The following LHPP variants were observed in gnomAD, a reference collection of about 807,000 sequenced individuals.
LHPP encodes the protein phospholysine phosphohistidine inorganic pyrophosphate phosphatase.
A neutral mutation model predicts 30.3 loss-of-function variants in LHPP; 24 were observed. The observed-to-expected ratio is 0.79, with a 90% CI of 0.57 to 1.11. The LOEUF is 1.11. Ranked by LOEUF, LHPP falls within the 50% of genes most tolerant of loss-of-function variation. The pLI is 0.00. For missense variants in LHPP, 356 were observed against 367.2 expected, an observed-to-expected ratio of 0.97 and a Z score of 0.25; for synonymous variants, 150 against 157.1, an observed-to-expected ratio of 0.95 and a Z score of 0.34.
chr10:124,546,003 GGA>G (rs1955329778), intron 6 of LHPP: 2 of 152,448 alleles, frequency 1.3e-5, no homozygotes, highest in African/African-American at 4.8e-5. Flanking sequence ...GGGCTCGCTG[GGA>G]TGCTGTCCTC....
At chr10:124,516,532 C>A (rs1222233324) in intron 5 of LHPP, among the ~76,000 whole-genome samples, 1 of 152,278 alleles carries the variant, frequency 6.6e-6, no homozygotes, top group South Asian at 2.1e-4. Flanking sequence ...TTGTTTCCTG[C>A]GTCTCAGAAG....
At chr10:124,613,051 T>C in intron 6 of LHPP, 2 of 587,856 alleles carry the variant, frequency 3.4e-6, no homozygotes. Flanking sequence ...TGGGGAGGTG[T>C]CCAGGTTGAG....
chr10:124,533,551 G>A (rs914263630), intron 6 of LHPP, among the ~76,000 whole-genome samples: 3 of 152,206 alleles, frequency 2.0e-5, no homozygotes, highest in Non-Finnish European at 4.4e-5. Context: ...GCGCTTGATT[G>A]GAAACGTTGA....
At position 124,577,902 on chromosome 10, in the gene LHPP, G is replaced by A. The variant is rs552462564; in HGVS notation, c.717-35362G>A. 5.6e-4 allele frequency among the ~76,000 whole-genome samples: 85 copies of A among 152,164 alleles called. 1 individual carries two copies. In the South Asian group the frequency reaches 7.7e-3, roughly 14 times the overall value. ...GCCCCCAGGCTCTGAGCTACCTGAGGTGAGGTGGGGCCACACTGGTCCCCA... is the reference window on the plus strand; with the variant it reads ...GCCCCCAGGCTCTGAGCTACCTGAGATGAGGTGGGGCCACACTGGTCCCCA... On this transcript the variant is annotated intron_variant, in intron 6 of 6. Coordinates refer to ENST00000368842, the MANE Select transcript of LHPP (RefSeq NM_022126.4).
At chr10:124,474,882 G>T (rs1952893623) in intron 1 of LHPP, among the ~76,000 whole-genome samples, 1 of 152,114 alleles carries the variant, frequency 6.6e-6, no homozygotes, top group Admixed American at 6.5e-5. Flanking sequence ...GGCTCCTCCT[G>T]CTGGCCTCCT....
chr10:124,532,383 T>G (rs1954920738), intron 6 of LHPP, among the ~76,000 whole-genome samples: 1 of 152,212 alleles, frequency 6.6e-6, no homozygotes, highest in African/African-American at 2.4e-5. Context: ...GACACACACA[T>G]GCGTCCATGC....
rs573215110 is a variant in LHPP at position 124,510,194 on chromosome 10, C to T, written c.625-6986C>T. On this transcript the variant is annotated intron_variant, in intron 5 of 6. Coordinates refer to ENST00000368842, the MANE Select transcript of LHPP (RefSeq NM_022126.4). The surrounding 1 kb of genome is among the most constrained non-coding windows in gnomAD (Gnocchi z 4.0). ...GGAGTATTTTTATTTCCCCTGACAG[C>T]GCACCTCCTGACCTCTATCTTCTTG... Among the ~76,000 whole-genome samples, 7 of 152,350 alleles carry T rather than the reference C, an allele frequency of 4.6e-5. No homozygotes were observed. In the East Asian group the frequency reaches 9.6e-4, roughly 21 times the overall value.
intron 5 of LHPP, among the ~76,000 whole-genome samples, chr10:124,509,910 A>C (rs545469714): frequency 6.6e-6 from 1 of 152,122 alleles, no homozygotes; most frequent in Admixed American, 6.5e-5. Context: ...TTGCACTCCA[A>C]AGCATCGCCG....
In LHPP at chr10:124,478,807, G is replaced by A. The variant is rs11245108; in HGVS notation, c.126-5332G>A. ...GCTCAGGCCGGGTGCCATGGCTCAC[G>A]CCTGTAATTCCAGCACTTTGGGAGG... is the stretch of plus-strand genomic sequence containing the variant. On this transcript the variant is annotated intron_variant, in intron 1 of 6. Transcript: ENST00000368842. This position sits in a 1 kb window ranked among gnomAD's most constrained non-coding sequence, Gnocchi z 4.7. Among the ~76,000 whole-genome samples, 62,320 of 152,004 alleles carry A rather than the reference G, an allele frequency of 0.41. 13,030 individuals carry two copies. The highest frequency in any genetic ancestry group is 0.58 in the East Asian group (2,995 of 5,148).
intron 5 of LHPP, among the ~76,000 whole-genome samples, chr10:124,498,955 C>G (rs1190680199): frequency 6.6e-6 from 1 of 150,820 alleles, no homozygotes; most frequent in Non-Finnish European, 1.5e-5. Context: ...TGTCTCGGCT[C>G]ACTGCAACCT....
chr10:124,527,497 C>T (rs1281755322), intron 6 of LHPP, among the ~76,000 whole-genome samples: 1 of 152,216 alleles, frequency 6.6e-6, no homozygotes, highest in Admixed American at 6.5e-5. Flanking sequence ...TTGGGGACAG[C>T]CAGGGACAAG....
At chr10:124,602,849 A>G (rs961890807) in intron 6 of LHPP, among the ~76,000 whole-genome samples, 4 of 152,246 alleles carry the variant, frequency 2.6e-5, no homozygotes, top group African/African-American at 4.8e-5. Context: ...GCCGAGGGGC[A>G]GGAGACGCAG....
At chr10:124,491,267 G>A (rs180719455) in intron 3 of LHPP, among the ~76,000 whole-genome samples, 5 of 152,344 alleles carry the variant, frequency 3.3e-5, no homozygotes, top group Admixed American at 6.5e-5. Context: ...AGGCGGTGGC[G>A]GAGGAAGTGT....
chr10:124,467,322 G>A (rs1003345331), intron 1 of LHPP, among the ~76,000 whole-genome samples: 5 of 150,528 alleles, frequency 3.3e-5, no homozygotes, highest in Non-Finnish European at 5.9e-5. Flanking sequence ...GGTATTGTGG[G>A]GGTCAGGGAG....
rs1046362588 is a variant in LHPP, at chr10:124,496,405, C to T, written c.468-556C>T. Among the ~76,000 whole-genome samples the T allele has an allele frequency of 2.0e-5, 3 of 152,212 alleles. No homozygotes were observed. The highest frequency in any genetic ancestry group is 4.4e-5 in the Non-Finnish European group (3 of 68,046). On this transcript the variant is annotated intron_variant, in intron 3 of 6. Coordinates refer to ENST00000368842, the MANE Select transcript of LHPP (RefSeq NM_022126.4). This position sits in a 1 kb window ranked among gnomAD's most constrained non-coding sequence, Gnocchi z 4.3. ...AGAGCCTGTCTCCACCTCCATGAGA[C>T]GGGAAGGAACAGTTGTCTTCTCATA...
chr10:124,528,643 G>C (rs1016537467), intron 6 of LHPP, among the ~76,000 whole-genome samples: 2 of 152,054 alleles, frequency 1.3e-5, no homozygotes, highest in African/African-American at 4.8e-5. Flanking sequence ...AGAGGCGTGA[G>C]CCACAGTGCC....
Position 124,496,554 on chromosome 10 carries a change from A to T in LHPP, c.468-407A>T, listed in dbSNP as rs1285052313. ...CAGCAATTAGGGGTTAATTATTAGC[A>T]ATTAGGGGTTCGCCACATACCCCGT... On this transcript the variant is annotated intron_variant, in intron 3 of 6. Transcript: ENST00000368842. This position sits in a 1 kb window ranked among gnomAD's most constrained non-coding sequence, Gnocchi z 4.3. 6.6e-6 allele frequency among the ~76,000 whole-genome samples: 1 copy of T among 152,182 alleles called. No homozygotes were observed. The highest frequency in any genetic ancestry group is 2.4e-5 in the African/African-American group (1 of 41,460).
chr10:124,559,842 G>T (rs1948363263), intron 6 of LHPP, among the ~76,000 whole-genome samples: 1 of 152,258 alleles, frequency 6.6e-6, no homozygotes. Context: ...TGTGCCATTG[G>T]CTCAGTAGCC....
At chr10:124,527,105 G>A (rs2045183) in intron 6 of LHPP, among the ~76,000 whole-genome samples, 47,802 of 152,204 alleles carry the variant, frequency 0.31, 8,295 homozygotes, top group Non-Finnish European at 0.39. Flanking sequence ...GAGCCCTCTC[G>A]CTGCCCACAG....
Sources: gnomAD v4.1 joint callset for allele counts (sites outside exome capture counted in the v4.1 genomes callset) on GRCh38, gnomAD v4.1.1 for gene constraint, Gnocchi (gnomAD v3.1) non-coding constraint, MANE v1.5 for transcripts, NCBI Gene and HGNC (gene_info 2026-07-23, HGNC 2026-07-21) for gene names.